Variants in PXDNL observed in about 807,000 individuals in gnomAD.
PXDNL encodes probable oxidoreductase PXDNL.
PXDNL carries 145 observed loss-of-function variants against 150.8 expected under a neutral mutation model. The observed-to-expected ratio is 0.96, with a 90% CI of 0.84 to 1.10. PXDNL has a LOEUF of 1.10. Ranked by LOEUF, PXDNL falls within the 50% of genes least tolerant of loss-of-function variation. The probability of loss-of-function intolerance (pLI) is 0.00; values close to 1 mark genes in which losing one functional copy is unlikely to be tolerated. For synonymous variants in PXDNL, 757 were observed against 725.7 expected, an observed-to-expected ratio of 1.04 and a Z score of -0.69; for missense variants, 2,087 against 1,873.9, an observed-to-expected ratio of 1.11 and a Z score of -2.10.
rs530209828 is a variant in PXDNL, at chr8:51,730,105, C to T, written c.165-75345G>A. Among the ~76,000 whole-genome samples the T allele has an allele frequency of 1.9e-4, 29 of 152,202 alleles. 1 individual carries two copies. The South Asian group carries it at 6.0e-3, about 32-fold the overall frequency. On this transcript the variant is annotated intron_variant, in intron 1 of 22. Coordinates refer to ENST00000356297, the MANE Select transcript of PXDNL (RefSeq NM_144651.5). ...CTAGAGTGTACACCAAGAGTGAACC[C>T]AAGTGATAACTATGAACTTTAAGTA...
At chr8:51,771,922 C>T (rs1031662304) in intron 1 of PXDNL, among the ~76,000 whole-genome samples, 6 of 151,624 alleles carry the variant, frequency 4.0e-5, no homozygotes, top group Non-Finnish European at 7.4e-5. Flanking sequence ...TATATATCTG[C>T]GAGGTTCTCT....
rs1163008958 is a variant in PXDNL, at chr8:51,809,416, C to G, written c.-72G>C. On this transcript the variant is annotated 5_prime_UTR_variant, in exon 1 of 23. Coordinates refer to ENST00000356297, the MANE Select transcript of PXDNL (RefSeq NM_144651.5). ...CAGCAGCTGCAGCTGCAGCAGCAAC[C>G]GCAGTGGTGGTGATGGTGGCTGCTG... 7.1e-7 allele frequency: 1 copy of G among 1,413,910 alleles called. No homozygotes were observed. Among genetic ancestry groups the G allele is most frequent in the Non-Finnish European group, 9.3e-7 (1 of 1,071,942 alleles). The allele number at this position is 1,413,910 out of a possible 1,614,324, so 87.6% of individuals were successfully genotyped here. A position where few individuals can be genotyped will look rare whatever the true frequency, so the allele number is the denominator to read the frequency against.
chr8:51,440,288 G>A (rs140652087), intron 12 of PXDNL, among the ~76,000 whole-genome samples: 244 of 152,182 alleles, frequency 1.6e-3, no homozygotes, highest in African/African-American at 5.7e-3. Context: ...GAAAGGATGG[G>A]AGGGTGGTGA....
intron 12 of PXDNL, 86 bp downstream of exon 12, chr8:51,446,918 A>G: frequency 2.7e-6 from 3 of 1,112,320 alleles, no homozygotes; most frequent in South Asian, 1.4e-5. Flanking sequence ...ATAGTCATAT[A>G]TGTCATAAGA....
chr8:51,506,562 A>AAAC (rs1369157728), intron 4 of PXDNL, among the ~76,000 whole-genome samples: 1 of 151,304 alleles, frequency 6.6e-6, no homozygotes, highest in African/African-American at 2.4e-5. Flanking sequence ...AAAAAAAAAA[A>AAAC]AAAAAACTAG....
chr8:51,636,529 G>T (rs868024975), intron 2 of PXDNL, among the ~76,000 whole-genome samples: 1 of 152,080 alleles, frequency 6.6e-6, no homozygotes, highest in Non-Finnish European at 1.5e-5. Context: ...GCAAAAATCT[G>T]CTGTGTTCTG....
intron 1 of PXDNL, among the ~76,000 whole-genome samples, chr8:51,668,176 C>CTTTTTTTTTTTTTTTTTTTTTTTT (rs71550279): frequency 2.6e-5 from 2 of 77,386 alleles, no homozygotes; most frequent in Admixed American, 2.0e-4. Flanking sequence ...CTCGCTCTCT[C>CTTTTTTTTTTTTTTTTTTTTTTTT]TTTTTTTTTT....
At chr8:51,806,748 A>G (rs1292647889) in intron 1 of PXDNL, among the ~76,000 whole-genome samples, 4 of 152,104 alleles carry the variant, frequency 2.6e-5, no homozygotes, top group Admixed American at 1.3e-4. Context: ...TGGCTTCCAT[A>G]TTTTCTTGAA....
chr8:51,491,689 G>A (rs2130232286), intron 5 of PXDNL, among the ~76,000 whole-genome samples: 1 of 152,206 alleles, frequency 6.6e-6, no homozygotes, highest in African/African-American at 2.4e-5. Context: ...CAGGGCTGCT[G>A]TTGGTGAGGA....
At chr8:51,576,219 CA>C (rs1174354243) in intron 3 of PXDNL, among the ~76,000 whole-genome samples, 10 of 129,608 alleles carry the variant, frequency 7.7e-5, no homozygotes, top group African/African-American at 2.8e-4. Flanking sequence ...AAAAAACAAA[CA>C]AAAAAACTCA....
intron 19 of PXDNL, among the ~76,000 whole-genome samples, chr8:51,366,842 C>T (rs111917183): frequency 0.012 from 1,803 of 152,190 alleles, 42 homozygotes; most frequent in African/African-American, 0.041. Flanking sequence ...GTGGCTCACA[C>T]CTGTAATCCC....
At chr8:51,563,585 G>A (rs1042884938) in intron 3 of PXDNL, among the ~76,000 whole-genome samples, 1 of 151,900 alleles carries the variant, frequency 6.6e-6, no homozygotes, top group Non-Finnish European at 1.5e-5. Context: ...GATTCTGAAT[G>A]GACTCTATTT....
At chr8:51,686,827 A>T (rs1815886877) in intron 1 of PXDNL, among the ~76,000 whole-genome samples, 1 of 152,170 alleles carries the variant, frequency 6.6e-6, no homozygotes, top group South Asian at 2.1e-4. Flanking sequence ...GTAATACCTC[A>T]CAATAAAAAA....
intron 4 of PXDNL, among the ~76,000 whole-genome samples, chr8:51,528,365 TA>T (rs1160707666): frequency 6.6e-6 from 1 of 151,616 alleles, no homozygotes; most frequent in African/African-American, 2.4e-5. Flanking sequence ...AATATATGTT[TA>T]AAATGTTTAA....
intron 2 of PXDNL, among the ~76,000 whole-genome samples, chr8:51,649,592 A>G (rs1401080324): frequency 2.6e-5 from 4 of 152,324 alleles, no homozygotes; most frequent in Admixed American, 2.6e-4. Context: ...ACATGTTTAC[A>G]ATAAAGAGAA....
At chr8:51,626,802 A>G (rs1345767927) in intron 2 of PXDNL, among the ~76,000 whole-genome samples, 1 of 152,206 alleles carries the variant, frequency 6.6e-6, no homozygotes, top group Non-Finnish European at 1.5e-5. Flanking sequence ...TTCATATACA[A>G]GCCAGTTTGT....
chr8:51,766,794 A>G (rs2037236637), intron 1 of PXDNL, among the ~76,000 whole-genome samples: 1 of 152,014 alleles, frequency 6.6e-6, no homozygotes, highest in Non-Finnish European at 1.5e-5. Flanking sequence ...CTAGGGATGG[A>G]TCGCTGAGTT....
At chr8:51,696,725 C>A (rs201955781) in intron 1 of PXDNL, among the ~76,000 whole-genome samples, 60 of 125,098 alleles carry the variant, frequency 4.8e-4, no homozygotes, top group South Asian at 1.1e-3. Context: ...TCACACACAT[C>A]CACACACAGG....
intron 6 of PXDNL, among the ~76,000 whole-genome samples, chr8:51,479,256 AC>A (rs1563429939): frequency 1.3e-5 from 2 of 152,334 alleles, no homozygotes. Flanking sequence ...GGCAAGAATG[AC>A]CCAGATAGAA....
Sources: allele counts gnomAD v4.1 joint callset (sites outside exome capture counted in the v4.1 genomes callset), GRCh38; gene constraint gnomAD v4.1.1; transcripts MANE v1.5; gene names NCBI Gene and HGNC (gene_info 2026-07-23, HGNC 2026-07-21).